KIF7: variants seen among roughly 807,000 people sequenced by gnomAD.
KIF7 encodes the protein kinesin-like protein KIF7.
In KIF7, 104 loss-of-function variants were observed where a neutral mutation model predicts 135.7. The observed-to-expected ratio is 0.77, with a 90% CI of 0.65 to 0.90. The LOEUF (loss-of-function observed/expected upper bound fraction) is 0.90, where lower values mean the gene tolerates loss of function less well. Among genes scored for constraint, KIF7 ranks in the 40% least tolerant of loss-of-function variants. KIF7 has a pLI of 0.00. For synonymous variants in KIF7, 883 were observed against 809.4 expected, an observed-to-expected ratio of 1.09 and a Z score of -1.54; for missense variants, 2,005 against 1,839.1, an observed-to-expected ratio of 1.09 and a Z score of -1.65.
chr15:89,618,741 A>C (rs1160219389), intron 1 of KIF7, among the ~76,000 whole-genome samples: 1 of 152,212 alleles, frequency 6.6e-6, no homozygotes, highest in African/African-American at 2.4e-5. Flanking sequence ...GGGGAGGATC[A>C]CTGGCCAGGA....
intron 15 of KIF7, chr15:89,630,708 C>T (rs982822912): frequency 3.3e-6 from 2 of 609,100 alleles, no homozygotes; most frequent in South Asian, 1.9e-5. Flanking sequence ...GTGGCCTGCT[C>T]AACTGCAAGC....
At chr15:89,625,754 C>T (rs762129653), downstream of KIF7, 10 of 1,608,134 alleles carry the variant, frequency 6.2e-6, no homozygotes, top group South Asian at 6.6e-5. Context: ...TGGCAGCTAC[C>T]CTCCACGGGA....
At chr15:89,625,753 C>T, downstream of KIF7, 1 of 1,612,178 alleles carries the variant, frequency 6.2e-7, no homozygotes, top group Non-Finnish European at 8.5e-7. Context: ...ATGGCAGCTA[C>T]CCTCCACGGG....
At chr15:89,657,430 G>A (rs1964219592), upstream of KIF7, among the ~76,000 whole-genome samples, 1 of 151,816 alleles carries the variant, frequency 6.6e-6, no homozygotes, top group Non-Finnish European at 1.5e-5. Context: ...AGAATTTCAT[G>A]ATGGTGGAAC....
At chr15:89,632,766 G>A (rs1458827708) in intron 14 of KIF7, 54 bp downstream of exon 14, 3 of 1,561,238 alleles carry the variant, frequency 1.9e-6, no homozygotes, top group African/African-American at 1.3e-5. Context: ...TGTCCTGGCT[G>A]GACCTCACTT....
At chr15:89,635,493 G>C (rs539761095) in intron 11 of KIF7, among the ~76,000 whole-genome samples, 3 of 152,316 alleles carry the variant, frequency 2.0e-5, no homozygotes, top group South Asian at 2.1e-4. Flanking sequence ...GGAGCTGATG[G>C]AGCTGAAAAC....
intron 17 of KIF7, 31 bp downstream of exon 17, chr15:89,629,344 G>C: frequency 6.5e-7 from 1 of 1,544,108 alleles, no homozygotes; most frequent in Non-Finnish European, 8.7e-7. Flanking sequence ...GGAGGGGGCC[G>C]GGGTTGTGAG....
chr15:89,633,888 G>C lies in KIF7; in HGVS notation c.2395-5C>G. The C allele has an allele frequency of 6.2e-7, 1 of 1,613,640 alleles. No homozygotes were observed. Among genetic ancestry groups the C allele is most frequent in the Non-Finnish European group, 8.5e-7 (1 of 1,180,014 alleles). On this transcript the variant is annotated splice_polypyrimidine_tract_variant and splice_region_variant and intron_variant, in intron 11 of 18. Coordinates refer to ENST00000394412, the MANE Select transcript of KIF7 (RefSeq NM_198525.3). ...CTGCTTCTTCTCCTTCAGCACCTGGGACCCACACAGTCTTCACTGGGCCAT... is the reference window on the plus strand; with the variant it reads ...CTGCTTCTTCTCCTTCAGCACCTGGCACCCACACAGTCTTCACTGGGCCAT...
intron 4 of KIF7, 66 bp downstream of exon 4, chr15:89,648,908 C>A: frequency 6.8e-7 from 1 of 1,468,818 alleles, no homozygotes; most frequent in Non-Finnish European, 9.0e-7. Flanking sequence ...TCCACCCCCA[C>A]TGGTGTGCTG....
intron 12 of KIF7, 127 bp downstream of exon 12, chr15:89,633,559 G>T: frequency 9.4e-7 from 1 of 1,062,682 alleles, no homozygotes; most frequent in East Asian, 2.6e-5. Flanking sequence ...ACAGACTCAG[G>T]CTAAGTGACC....
chr15:89,645,765 A>AT (rs1334807180), intron 8 of KIF7, 128 bp downstream of exon 8: 9 of 1,313,934 alleles, frequency 6.8e-6, no homozygotes, highest in Non-Finnish European at 9.3e-6. Flanking sequence ...CCAGGGCAAC[A>AT]TGAGGGCATC....
rs775579416 is a variant in KIF7, at chr15:89,628,574, G to A, written c.3877C>T (p.Leu1293=). 2.5e-6 allele frequency: 4 copies of A among 1,613,406 alleles called. No homozygotes were observed. In the Admixed American group the frequency reaches 5.0e-5, roughly 20 times the overall value. The change falls in exon 19 of 19, where the codon CTG becomes TTG. Residue 1293 remains leucine, a synonymous_variant. Transcript: ENST00000394412. ...CGEEQGSPEE[L]RQREAAEPLV... ...GGCTCAGCCGCCTCCCGCTGCCTCA[G>A]TTCCTCGGGGGACCCCTGCTCCTCA...
chr15:89,636,328 A>G (rs1243220298), intron 11 of KIF7, among the ~76,000 whole-genome samples: 2 of 147,134 alleles, frequency 1.4e-5, no homozygotes, highest in Non-Finnish European at 3.0e-5. Flanking sequence ...ACACATAACA[A>G]TATTAACTTT....
At chr15:89,639,735 A>G (rs867954680) in intron 11 of KIF7, among the ~76,000 whole-genome samples, 1,725 of 147,900 alleles carry the variant, frequency 0.012, 17 homozygotes, top group African/African-American at 0.04. Context: ...TCAGTGTGGC[A>G]ATTCCTCAGG....
chr15:89,659,482 GAGAA>G (rs770430128), upstream of KIF7, among the ~76,000 whole-genome samples: 9 of 147,884 alleles, frequency 6.1e-5, no homozygotes, highest in South Asian at 6.3e-4. Context: ...AAGAAAGAAA[GAGAA>G]AGAAAGGAAG....
At chr15:89,625,775 T>A (rs1004906309), downstream of KIF7, 5 of 1,601,272 alleles carry the variant, frequency 3.1e-6, no homozygotes, top group Non-Finnish European at 3.4e-6. Flanking sequence ...GACGAAGAGG[T>A]GTTTGTTTCC....
chr15:89,633,591 T>C, intron 12 of KIF7, 95 bp downstream of exon 12: 3 of 1,336,670 alleles, frequency 2.2e-6, no homozygotes, highest in Non-Finnish European at 2.1e-6. Flanking sequence ...GTCACGTGGC[T>C]GTGGGTTGCA....
chr15:89,636,270 C>A (rs2142006928), intron 11 of KIF7, among the ~76,000 whole-genome samples: 1 of 151,318 alleles, frequency 6.6e-6, no homozygotes, highest in Middle Eastern at 3.4e-3. Context: ...ACTGCATGAA[C>A]TAACGAGCAA....
At chr15:89,633,660 G>A (rs1419809878) in intron 12 of KIF7, 26 bp downstream of exon 12, 3 of 1,601,856 alleles carry the variant, frequency 1.9e-6, no homozygotes, top group South Asian at 1.1e-5. Flanking sequence ...CTGGACAGAA[G>A]GTCCCCACCC....
Sources: allele counts gnomAD v4.1 joint callset (sites outside exome capture counted in the v4.1 genomes callset), GRCh38; gene constraint gnomAD v4.1.1; transcripts MANE v1.5; gene names NCBI Gene and HGNC (gene_info 2026-07-23, HGNC 2026-07-21).